Variants in CNTN5 observed in about 807,000 individuals in gnomAD.
The protein encoded by CNTN5 is contactin-5.
In CNTN5, 77 loss-of-function variants were observed where a neutral mutation model predicts 129.1. That is an observed-to-expected ratio of 0.60 (90% CI 0.50 to 0.72). The LOEUF is 0.72. CNTN5 is among the 30% of genes least tolerant of loss of function. The pLI is 0.00. For missense variants in CNTN5, 1,478 were observed against 1,328.8 expected (o/e 1.11, Z -1.75); for synonymous variants, 509 against 465.6 (o/e 1.09, Z -1.20).
chr11:99,984,261 C>A (rs1362093451), intron 8 of CNTN5, among the ~76,000 whole-genome samples: 1 of 148,058 alleles, frequency 6.8e-6, no homozygotes, highest in African/African-American at 2.5e-5. Flanking sequence ...TGGGTGTCAG[C>A]TAGACTCCAT....
At chr11:100,047,661 A>C (rs1942753605) in intron 9 of CNTN5, among the ~76,000 whole-genome samples, 1 of 152,192 alleles carries the variant, frequency 6.6e-6, no homozygotes, top group African/African-American at 2.4e-5. Context: ...TTAGATGTCA[A>C]CTTGATTGAA....
chr11:99,573,374 T>C (rs922686249), intron 3 of CNTN5, among the ~76,000 whole-genome samples: 1 of 151,790 alleles, frequency 6.6e-6, no homozygotes, highest in Non-Finnish European at 1.5e-5. Flanking sequence ...ATCGAGACCA[T>C]CCTGGCTAAC....
intron 2 of CNTN5, among the ~76,000 whole-genome samples, chr11:99,377,214 T>C (rs954775511): frequency 3.9e-5 from 6 of 152,104 alleles, no homozygotes; most frequent in African/African-American, 1.4e-4. Flanking sequence ...AAAAAAGCAG[T>C]AGTCTCTCAT....
chr11:99,885,173 TG>T (rs1565638056), intron 6 of CNTN5, among the ~76,000 whole-genome samples: 1 of 151,940 alleles, frequency 6.6e-6, no homozygotes. Context: ...TCCTAGCTAC[TG>T]GGGGCGCTCA....
rs145087414 is a variant in CNTN5 at position 100,296,777 on chromosome 11, T to G, written c.2315-848T>G. Among the ~76,000 whole-genome samples the G allele has an allele frequency of 2.1e-3, 321 of 151,678 alleles. 1 individual carries two copies. The highest frequency in any genetic ancestry group is 7.3e-3 in the African/African-American group (304 of 41,496). ...CTACCAGTAATTAATAGCCTTTCATTCCAAGTAAGTAATATATAGGAGTGA... is the reference window on the plus strand; with the variant it reads ...CTACCAGTAATTAATAGCCTTTCATGCCAAGTAAGTAATATATAGGAGTGA... On this transcript the variant is annotated intron_variant, in intron 18 of 24. Transcript: ENST00000524871.
chr11:99,463,565 TATA>T (rs1338532475), intron 2 of CNTN5, among the ~76,000 whole-genome samples: 4 of 148,388 alleles, frequency 2.7e-5, no homozygotes, highest in African/African-American at 7.9e-5. Context: ...GTCTATACTG[TATA>T]ATGTCTGCTA....
intron 7 of CNTN5, among the ~76,000 whole-genome samples, chr11:99,935,372 G>T (rs927558372): frequency 2.0e-5 from 3 of 151,736 alleles, no homozygotes; most frequent in African/African-American, 7.2e-5. Context: ...TAGAGATTAG[G>T]TTTTTTTCAC....
At chr11:100,060,640 CTTT>C (rs10700520) in intron 9 of CNTN5, among the ~76,000 whole-genome samples, 67 of 137,414 alleles carry the variant, frequency 4.9e-4, no homozygotes, top group East Asian at 4.0e-3. Flanking sequence ...AATTTTTTTT[CTTT>C]TTTTTTTTTT....
intron 1 of CNTN5, among the ~76,000 whole-genome samples, chr11:99,053,286 T>C (rs1452802717): frequency 6.6e-6 from 1 of 151,896 alleles, no homozygotes; most frequent in Non-Finnish European, 1.5e-5. Flanking sequence ...TTTTTGCTGA[T>C]AGCCTGAAAT....
At chr11:99,294,172 T>C (rs1243593415) in intron 1 of CNTN5, among the ~76,000 whole-genome samples, 1 of 152,166 alleles carries the variant, frequency 6.6e-6, no homozygotes, top group East Asian at 1.9e-4. Flanking sequence ...TCATTGGTTG[T>C]ACAGGAGCAT....
intron 7 of CNTN5, among the ~76,000 whole-genome samples, chr11:99,918,073 T>C (rs1192194481): frequency 6.6e-6 from 1 of 152,148 alleles, no homozygotes; most frequent in African/African-American, 2.4e-5. Context: ...AGTACCCTGA[T>C]TGCAGGAGTC....
intron 2 of CNTN5, among the ~76,000 whole-genome samples, chr11:99,412,362 A>G (rs539330229): frequency 1.2e-4 from 19 of 152,310 alleles, no homozygotes; most frequent in African/African-American, 4.6e-4. Flanking sequence ...TCTAGGGAAT[A>G]TATATAAAGA....
chr11:99,457,517 G>T (rs563991243), intron 2 of CNTN5, among the ~76,000 whole-genome samples: 13 of 151,736 alleles, frequency 8.6e-5, no homozygotes, highest in African/African-American at 3.1e-4. Flanking sequence ...AGCTGTATGT[G>T]GATAAAAAGA....
At chr11:100,197,158 A>G (rs1948659893) in intron 15 of CNTN5, among the ~76,000 whole-genome samples, 1 of 151,980 alleles carries the variant, frequency 6.6e-6, no homozygotes. Flanking sequence ...TTGGGCAAAC[A>G]AAGAAGGGCA....
At chr11:99,232,615 T>A (rs1281691520) in intron 1 of CNTN5, among the ~76,000 whole-genome samples, 4 of 152,176 alleles carry the variant, frequency 2.6e-5, no homozygotes, top group Non-Finnish European at 5.9e-5. Flanking sequence ...CAATTTGACT[T>A]CCTGTCTTCC....
intron 3 of CNTN5, among the ~76,000 whole-genome samples, chr11:99,598,389 T>G: frequency 1.1e-5 from 1 of 94,202 alleles, no homozygotes; most frequent in Non-Finnish European, 2.1e-5. Flanking sequence ...TCTCTCTCTG[T>G]CTCCTTCCTT....
intron 13 of CNTN5, among the ~76,000 whole-genome samples, chr11:100,114,640 T>G (rs1945777478): frequency 6.6e-6 from 1 of 151,704 alleles, no homozygotes; most frequent in South Asian, 2.1e-4. Flanking sequence ...CTTACAGAAG[T>G]TTTTTTTCCT....
intron 17 of CNTN5, among the ~76,000 whole-genome samples, chr11:100,261,118 T>G (rs1950187343): frequency 6.6e-6 from 1 of 152,090 alleles, no homozygotes; most frequent in African/African-American, 2.4e-5. Context: ...CAAAAATCAA[T>G]GGGCAAAAAT....
intron 1 of CNTN5, among the ~76,000 whole-genome samples, chr11:99,152,695 G>A (rs1418089316): frequency 6.6e-6 from 1 of 152,120 alleles, no homozygotes; most frequent in African/African-American, 2.4e-5. Flanking sequence ...ATATTGTTTA[G>A]CTTGTTATCA....
Sources: allele counts gnomAD v4.1 joint callset (sites outside exome capture counted in the v4.1 genomes callset), GRCh38; gene constraint gnomAD v4.1.1; transcripts MANE v1.5; gene names NCBI Gene and HGNC (gene_info 2026-07-23, HGNC 2026-07-21).